The following IFT56 variants were observed in gnomAD, a reference collection of about 807,000 sequenced individuals.
IFT56 encodes the protein intraflagellar transport protein 56.
the IFT56 span, among the ~76,000 whole-genome samples, chr7:139,183,951 T>C: frequency 1.3e-5 from 2 of 152,228 alleles, no homozygotes; most frequent in African/African-American, 2.4e-5. Flanking sequence ...AAAAAGGAAC[T>C]ATAATGAGAA....
the IFT56 span, among the ~76,000 whole-genome samples, chr7:139,179,988 C>G: frequency 6.6e-6 from 1 of 152,168 alleles, no homozygotes; most frequent in Non-Finnish European, 1.5e-5. Flanking sequence ...TAACTTTTCA[C>G]TATGGGTCAA....
the IFT56 span, chr7:139,173,816 A>G: frequency 1.2e-5 from 9 of 732,124 alleles, no homozygotes; most frequent in Middle Eastern, 2.4e-4. Context: ...TGTAATAACA[A>G]TCATCCTTCT....
the IFT56 span, chr7:139,137,769 C>A: frequency 8.3e-7 from 1 of 1,203,422 alleles, no homozygotes; most frequent in Non-Finnish European, 1.2e-6. Flanking sequence ...GTCAGTAACC[C>A]AACGTAGCAT....
chr7:139,157,968 G>C, the IFT56 span, among the ~76,000 whole-genome samples: 1 of 152,156 alleles, frequency 6.6e-6, no homozygotes, highest in East Asian at 1.9e-4. Context: ...ACAGTGGGGG[G>C]TGTGGTGGTG....
At chr7:139,142,980 T>A in the IFT56 span, among the ~76,000 whole-genome samples, 1 of 152,150 alleles carries the variant, frequency 6.6e-6, no homozygotes, top group African/African-American at 2.4e-5. Flanking sequence ...AATTATTTTT[T>A]AAATAATTTT....
the IFT56 span, chr7:139,134,840 A>G: frequency 6.3e-7 from 1 of 1,585,494 alleles, no homozygotes; most frequent in Non-Finnish European, 8.6e-7. Flanking sequence ...ACCAGACTGT[A>G]GATGAATGCT....
chr7:139,165,282 T>A, the IFT56 span: 3 of 1,271,272 alleles, frequency 2.4e-6, no homozygotes, highest in South Asian at 3.9e-5. Flanking sequence ...TATTTTAGAA[T>A]AGTTAAATAT....
chr7:139,161,086 T>A, the IFT56 span: 2 of 1,391,072 alleles, frequency 1.4e-6, no homozygotes, highest in East Asian at 4.6e-5. Context: ...ATCACAGCAA[T>A]TAGAAAGATT....
the IFT56 span, among the ~76,000 whole-genome samples, chr7:139,156,864 C>T: frequency 6.6e-6 from 1 of 152,144 alleles, no homozygotes; most frequent in Non-Finnish European, 1.5e-5. Flanking sequence ...TTAATTACTA[C>T]AGATTTGTAA....
chr7:139,173,770 G>A, the IFT56 span: 1 of 755,602 alleles, frequency 1.3e-6, no homozygotes, highest in Non-Finnish European at 2.5e-6. Context: ...ATGTTGGTCT[G>A]GCATGAAAGT....
the IFT56 span, among the ~76,000 whole-genome samples, chr7:139,184,567 A>G: frequency 3.3e-5 from 5 of 152,222 alleles, no homozygotes; most frequent in Non-Finnish European, 7.3e-5. Flanking sequence ...AGGGCTGTGC[A>G]TGTGACTGTA....
chr7:139,153,521 A>C, the IFT56 span, among the ~76,000 whole-genome samples: 6 of 151,840 alleles, frequency 4.0e-5, no homozygotes, highest in African/African-American at 1.5e-4. Context: ...GCAACCACTA[A>C]TGTACTTTGT....
chr7:139,165,174 C>T, the IFT56 span: 1 of 1,613,758 alleles, frequency 6.2e-7, no homozygotes, highest in Non-Finnish European at 8.5e-7. Flanking sequence ...GGTTTTACCT[C>T]CCCTAGTTGA....
chr7:139,159,736 A>G, the IFT56 span, among the ~76,000 whole-genome samples: 1 of 152,228 alleles, frequency 6.6e-6, no homozygotes, highest in Non-Finnish European at 1.5e-5. Flanking sequence ...GATTTGATAA[A>G]TACAGTTTTT....
At chr7:139,163,713 C>T in the IFT56 span, among the ~76,000 whole-genome samples, 5 of 151,996 alleles carry the variant, frequency 3.3e-5, no homozygotes, top group Non-Finnish European at 7.4e-5. Flanking sequence ...GAAGTAGGAC[C>T]AGGGCTTTGG....
the IFT56 span, among the ~76,000 whole-genome samples, chr7:139,136,643 G>A: frequency 6.6e-6 from 1 of 151,876 alleles, no homozygotes; most frequent in African/African-American, 2.4e-5. Flanking sequence ...CTATTTGTGT[G>A]TGTGTGTGGA....
the IFT56 span, chr7:139,178,192 GT>G: frequency 9.5e-6 from 15 of 1,584,686 alleles, no homozygotes; most frequent in Middle Eastern, 1.7e-4. Flanking sequence ...TATATGTGGG[GT>G]TTTTTTCCCC....
At chr7:139,184,914 C>T in the IFT56 span, among the ~76,000 whole-genome samples, 8 of 151,290 alleles carry the variant, frequency 5.3e-5, no homozygotes, top group African/African-American at 1.7e-4. Flanking sequence ...ATTAGCCAGG[C>T]GTGGTGGCGG....
chr7:139,181,319 T>A, the IFT56 span: 1 of 662,146 alleles, frequency 1.5e-6, no homozygotes, highest in Non-Finnish European at 2.6e-6. Flanking sequence ...ATTCACGTAG[T>A]GTTATAAGAG....
Sources: gnomAD v4.1 joint callset for allele counts (sites outside exome capture counted in the v4.1 genomes callset) on GRCh38, gnomAD v4.1.1 for gene constraint, MANE v1.5 for transcripts, NCBI Gene and HGNC (gene_info 2026-07-23, HGNC 2026-07-21) for gene names.